CDC42BPA: variants seen among roughly 807,000 people sequenced by gnomAD.
CDC42BPA encodes the protein CDC42 binding protein kinase alpha, also known as serine/threonine-protein kinase MRCK alpha.
In CDC42BPA, 80 loss-of-function variants were observed where a neutral mutation model predicts 223.5. The ratio of observed to expected loss-of-function variants is 0.36; its 90% confidence interval spans 0.30 to 0.43. The LOEUF is 0.43. Among genes scored for constraint, CDC42BPA ranks in the 20% least tolerant of loss-of-function variants. The pLI, the probability that CDC42BPA is intolerant of heterozygous loss-of-function variation, is 1.00. For missense variants in CDC42BPA, 1,743 were observed against 2,099.9 expected (o/e 0.83, Z 3.32); for synonymous variants, 694 against 718.6 (o/e 0.97, Z 0.55).
chr1:227,117,670 G>A (rs953240836), intron 12 of CDC42BPA, among the ~76,000 whole-genome samples: 1 of 152,122 alleles, frequency 6.6e-6, no homozygotes, highest in Non-Finnish European at 1.5e-5. Flanking sequence ...AAAAATAGTT[G>A]AGATACAGAC....
intron 1 of CDC42BPA, chr1:227,264,938 T>C: frequency 2.6e-6 from 3 of 1,137,072 alleles, no homozygotes; most frequent in Middle Eastern, 2.3e-4. Context: ...GGTATATTCA[T>C]GGATTATCTC....
chr1:227,274,350 G>A (rs1686569127), intron 1 of CDC42BPA, among the ~76,000 whole-genome samples: 1 of 152,156 alleles, frequency 6.6e-6, no homozygotes, highest in South Asian at 2.1e-4. Flanking sequence ...AGTCACAGGA[G>A]AGGATCCTTA....
chr1:227,154,754 GA>G (rs1662409208), intron 6 of CDC42BPA, among the ~76,000 whole-genome samples: 1 of 152,020 alleles, frequency 6.6e-6, no homozygotes, highest in South Asian at 2.1e-4. Flanking sequence ...AACATTCATA[GA>G]TGAGAAGATT....
At chr1:227,081,374 T>C (rs993597103) in intron 16 of CDC42BPA, among the ~76,000 whole-genome samples, 8 of 152,034 alleles carry the variant, frequency 5.3e-5, no homozygotes, top group Non-Finnish European at 1.2e-4. Flanking sequence ...TAAAAATGAA[T>C]TCCCATGAGC....
In CDC42BPA at chr1:227,039,923, A is replaced by C. The variant is rs16846862; in HGVS notation, c.3199+208T>G. On this transcript the variant is annotated intron_variant, in intron 24 of 36. Coordinates refer to ENST00000366766, the MANE Select transcript of CDC42BPA (RefSeq NM_001394014.1). ...ACAAATTTAATAACAAAACAAAGAC[A>C]AATGAACCATATTTAAATATATTGC... Among the ~76,000 whole-genome samples, 389 of 152,338 alleles carry C rather than the reference A, an allele frequency of 2.6e-3. 9 individuals are homozygous for C. The East Asian group carries it at 0.047, about 18-fold the overall frequency.
intron 1 of CDC42BPA, among the ~76,000 whole-genome samples, chr1:227,293,168 T>C (rs1395904441): frequency 2.6e-5 from 4 of 152,172 alleles, no homozygotes; most frequent in Admixed American, 6.5e-5. Flanking sequence ...CAAGCACTTA[T>C]GTTAGGTATT....
chr1:227,036,578 C>G (rs972454507), intron 24 of CDC42BPA, among the ~76,000 whole-genome samples: 1 of 152,016 alleles, frequency 6.6e-6, no homozygotes, highest in African/African-American at 2.4e-5. Context: ...TACAGGCGCC[C>G]GCCACCTTGC....
intron 19 of CDC42BPA, among the ~76,000 whole-genome samples, chr1:227,072,731 G>A (rs1211123988): frequency 6.6e-6 from 1 of 151,984 alleles, no homozygotes; most frequent in East Asian, 1.9e-4. Flanking sequence ...CATGAAAGTG[G>A]AGCACATACA....
At chr1:227,176,407 C>T (rs974259444) in intron 5 of CDC42BPA, among the ~76,000 whole-genome samples, 8 of 152,130 alleles carry the variant, frequency 5.3e-5, no homozygotes, top group Non-Finnish European at 2.9e-5. Context: ...TTTCATTTCA[C>T]GTTATAAACA....
intron 5 of CDC42BPA, among the ~76,000 whole-genome samples, chr1:227,171,640 C>T (rs7512871): frequency 1.3e-5 from 2 of 151,638 alleles, no homozygotes; most frequent in African/African-American, 4.8e-5. Context: ...TCTAAAACAA[C>T]GATTACATTG....
At chr1:227,261,124 C>CTTTCTTTTTTTTTCTT (rs386417862) in intron 1 of CDC42BPA, among the ~76,000 whole-genome samples, 1 of 121,002 alleles carries the variant, frequency 8.3e-6, no homozygotes, top group Admixed American at 8.7e-5. Context: ...TTGAGTTTTT[C>CTTTCTTTTTTTTTCTT]TTTTTTTTTG....
At chr1:227,137,382 G>C (rs1658790581) in intron 10 of CDC42BPA, among the ~76,000 whole-genome samples, 1 of 152,082 alleles carries the variant, frequency 6.6e-6, no homozygotes, top group Non-Finnish European at 1.5e-5. Flanking sequence ...GTGAGGAGTT[G>C]AAGACAGTAG....
In CDC42BPA at chr1:227,101,091, T is replaced by A; in HGVS notation, c.2150A>T (p.Asn717Ile). The part of the protein sequence containing the change: ...REGIHANEIK[N>I]LKKELHDSEG... ...TGAATCATGCAGTTCTTTCTTAAGATTTTTTATTTCATTTGCATGTATTCC... is the reference window on the plus strand; with the variant it reads ...TGAATCATGCAGTTCTTTCTTAAGAATTTTTATTTCATTTGCATGTATTCC... Residue 717 changes from asparagine (N) to isoleucine (I), a missense_variant, in exon 15 of 37, where the codon AAT becomes ATT. Asn to Ile is a moderately radical substitution (Grantham distance 149). Coordinates refer to ENST00000366766, the MANE Select transcript of CDC42BPA (RefSeq NM_001394014.1). 6.4e-7 allele frequency: 1 copy of A among 1,570,782 alleles called. No homozygotes were observed. Among genetic ancestry groups the A allele is most frequent in the Non-Finnish European group, 8.8e-7 (1 of 1,141,246 alleles).
chr1:227,081,025 A>ATAGTT lies in CDC42BPA; in HGVS notation c.2356-13_2356-9dup. 6.2e-7 allele frequency: 1 copy of ATAGTT among 1,613,132 alleles called. No homozygotes were observed. The highest frequency in any genetic ancestry group is 1.1e-5 in the South Asian group (1 of 91,006). ...CTCATACAAAGTAGTAAGCTGAAAG[A>ATAGTT]TAGTTTTAAGACATGCATGACTTTT... On this transcript the variant is annotated splice_polypyrimidine_tract_variant and intron_variant, in intron 16 of 36. Coordinates refer to ENST00000366766, the MANE Select transcript of CDC42BPA (RefSeq NM_001394014.1).
chr1:227,133,945 C>T (rs1657929919), intron 10 of CDC42BPA, among the ~76,000 whole-genome samples: 1 of 123,608 alleles, frequency 8.1e-6, no homozygotes, highest in South Asian at 2.5e-4. Flanking sequence ...GCGAGAAACA[C>T]CCAAGAATGA....
At chr1:227,126,423 G>A (rs1171223657) in intron 11 of CDC42BPA, among the ~76,000 whole-genome samples, 3 of 150,034 alleles carry the variant, frequency 2.0e-5, no homozygotes, top group African/African-American at 7.3e-5. Flanking sequence ...CTGGTGACAG[G>A]AGCCACCAGC....
intron 5 of CDC42BPA, among the ~76,000 whole-genome samples, chr1:227,181,495 T>C (rs1282665773): frequency 6.6e-6 from 1 of 152,226 alleles, no homozygotes; most frequent in Non-Finnish European, 1.5e-5. Context: ...ATGATAAACA[T>C]GGCTTTTTCC....
rs371388934 is a variant in CDC42BPA at position 227,274,345 on chromosome 1, C to T, written c.179-20190G>A. 1.6e-4 allele frequency among the ~76,000 whole-genome samples: 24 copies of T among 152,210 alleles called. 1 individual carries two copies. The highest frequency in any genetic ancestry group is 1.4e-3 in the East Asian group (7 of 5,172). On this transcript the variant is annotated intron_variant, in intron 1 of 36. Coordinates refer to ENST00000366766, the MANE Select transcript of CDC42BPA (RefSeq NM_001394014.1). ...TAAAAGAAACAGAGACTAGAAGTCA[C>T]AGGAGAGGATCCTTAGGAAGAGCAT... is the stretch of plus-strand genomic sequence containing the variant.
At chr1:227,010,972 GA>G in intron 34 of CDC42BPA, 1 of 1,363,560 alleles carries the variant, frequency 7.3e-7, no homozygotes. Context: ...TTTTTCAGCA[GA>G]ATTAACAGTC....
Sources: allele counts gnomAD v4.1 joint callset (sites outside exome capture counted in the v4.1 genomes callset), GRCh38; gene constraint gnomAD v4.1.1; transcripts MANE v1.5; gene names NCBI Gene and HGNC (gene_info 2026-07-23, HGNC 2026-07-21).